PTPN11: variants seen among roughly 807,000 people sequenced by gnomAD.
The protein encoded by PTPN11 is protein tyrosine phosphatase non-receptor type 11.
In PTPN11, 6 loss-of-function variants were observed where a neutral mutation model predicts 78.8. The observed-to-expected ratio is 0.08, with a 90% CI of 0.04 to 0.15. PTPN11 has a LOEUF of 0.15. Ranked by LOEUF, PTPN11 falls within the 10% of genes least tolerant of loss-of-function variation. The probability of loss-of-function intolerance (pLI) is 1.00; values close to 1 mark genes in which losing one functional copy is unlikely to be tolerated. For missense variants in PTPN11, 386 were observed against 744.8 expected (o/e 0.52, Z 5.61); for synonymous variants, 221 against 263.5 (o/e 0.84, Z 1.56).
intron 9 of PTPN11, among the ~76,000 whole-genome samples, 180 bp from the exon 10 acceptor site, chr12:112,481,894 G>A (rs774214339): frequency 2.0e-5 from 3 of 152,122 alleles, no homozygotes; most frequent in Non-Finnish European, 4.4e-5. Context: ...CTGGTCCTCC[G>A]AATGCCTGCT....
Position 112,497,538 on chromosome 12 carries a change from A to G in PTPN11, c.1600-4606A>G, listed in dbSNP as rs538309403. Among the ~76,000 whole-genome samples the G allele has an allele frequency of 4.6e-5, 7 of 152,282 alleles. No individual in the cohort carries two copies. In the East Asian group the frequency reaches 1.2e-3, roughly 25 times the overall value. On this transcript the variant is annotated intron_variant, in intron 13 of 15. Coordinates refer to ENST00000351677, the MANE Select transcript of PTPN11 (RefSeq NM_002834.5). ...ATTGTTTCTTCACACAGCTCCCTTC[A>G]TCTCCTTGGTCCAATGAAAAGGTTT...
intron 1 of PTPN11, among the ~76,000 whole-genome samples, chr12:112,436,168 C>T (rs1234856283): frequency 6.6e-6 from 1 of 152,058 alleles, no homozygotes; most frequent in Non-Finnish European, 1.5e-5. Flanking sequence ...AAGTAGCATT[C>T]AAGATAAAGA....
chr12:112,465,004 C>T (rs17822514), intron 6 of PTPN11, among the ~76,000 whole-genome samples: 2,600 of 152,302 alleles, frequency 0.017, 37 homozygotes, highest in Non-Finnish European at 0.027. Context: ...AAGTTCTGCT[C>T]AAATGAGAAT....
At chr12:112,472,619 G>T (rs2038436608) in intron 6 of PTPN11, among the ~76,000 whole-genome samples, 1 of 149,474 alleles carries the variant, frequency 6.7e-6, no homozygotes, top group Admixed American at 6.7e-5. Context: ...AGTGATTCCT[G>T]TGTCACCCTC....
chr12:112,473,185 C>A, intron 7 of PTPN11, 145 bp downstream of exon 7: 3 of 711,776 alleles, frequency 4.2e-6, no homozygotes, highest in Middle Eastern at 2.4e-4. Flanking sequence ...CCAAAATAAT[C>A]AACCATGGTG....
intron 6 of PTPN11, among the ~76,000 whole-genome samples, chr12:112,459,108 C>T (rs1245934732): frequency 3.3e-5 from 5 of 152,122 alleles, no homozygotes; most frequent in African/African-American, 1.2e-4. Flanking sequence ...CCTTCCTTGT[C>T]CCCTGCCTGC....
intron 2 of PTPN11, among the ~76,000 whole-genome samples, chr12:112,449,191 C>CTT (rs200333899): frequency 1.4e-5 from 2 of 142,918 alleles, no homozygotes; most frequent in African/African-American, 2.5e-5. Flanking sequence ...CTGGCCATCA[C>CTT]TTTTTTTTTT....
intron 1 of PTPN11, among the ~76,000 whole-genome samples, chr12:112,428,428 C>G (rs931295355): frequency 8.3e-6 from 1 of 120,436 alleles, no homozygotes; most frequent in African/African-American, 3.1e-5. Flanking sequence ...GCCTCACTTA[C>G]TAATATACAA....
At chr12:112,460,508 T>G (rs945598247) in intron 6 of PTPN11, among the ~76,000 whole-genome samples, 1 of 152,206 alleles carries the variant, frequency 6.6e-6, no homozygotes, top group Non-Finnish European at 1.5e-5. Context: ...TCAGATAAGC[T>G]TCACACACTG....
At chr12:112,501,522 G>A (rs1239704576) in intron 13 of PTPN11, among the ~76,000 whole-genome samples, 2 of 152,142 alleles carry the variant, frequency 1.3e-5, no homozygotes, top group African/African-American at 4.8e-5. Flanking sequence ...CTACTCAGGA[G>A]GCTGAGGCAT....
rs2037939671 is a variant in PTPN11, at chr12:112,443,384, A to G, written c.15-2892A>G. ...CTTTTTTTTTTTTTTTGGAGATGGA[A>G]TTTTGCTTATGTTGCCCAGGCTGGA... On this transcript the variant is annotated intron_variant, in intron 1 of 15. Transcript: ENST00000351677. Among the ~76,000 whole-genome samples the G allele has an allele frequency of 2.0e-5, 3 of 148,512 alleles. No homozygotes were observed. The South Asian group carries it at 6.4e-4, about 31-fold the overall frequency.
intron 6 of PTPN11, among the ~76,000 whole-genome samples, chr12:112,461,093 T>C (rs2135879415): frequency 6.6e-6 from 1 of 152,276 alleles, no homozygotes; most frequent in Middle Eastern, 3.4e-3. Flanking sequence ...CAAGTTTTCT[T>C]TGGCAAGATA....
chr12:112,430,010 A>G (rs1265685891), intron 1 of PTPN11, among the ~76,000 whole-genome samples: 1 of 152,054 alleles, frequency 6.6e-6, no homozygotes, highest in Admixed American at 6.6e-5. Context: ...ATAATAGCCA[A>G]CATATCACAT....
At chr12:112,459,897 T>A (rs1592834471) in intron 6 of PTPN11, among the ~76,000 whole-genome samples, 1 of 150,490 alleles carries the variant, frequency 6.6e-6, no homozygotes, top group Non-Finnish European at 1.5e-5. Context: ...CAGTCACATT[T>A]TCCTGATTGC....
intron 7 of PTPN11, among the ~76,000 whole-genome samples, chr12:112,473,986 G>T (rs939892018): frequency 6.6e-6 from 1 of 151,526 alleles, no homozygotes; most frequent in African/African-American, 2.4e-5. Flanking sequence ...GGGCTCAAGC[G>T]ATTCTCCCAC....
intron 6 of PTPN11, among the ~76,000 whole-genome samples, chr12:112,458,506 G>A (rs937710299): frequency 6.6e-6 from 1 of 152,166 alleles, no homozygotes; most frequent in Non-Finnish European, 1.5e-5. Flanking sequence ...CACTGTGCCC[G>A]GCCCATACCA....
At position 112,469,440 on chromosome 12, in the gene PTPN11, C is replaced by G. The variant is rs558520110; in HGVS notation, c.757-3504C>G. 2.0e-5 allele frequency among the ~76,000 whole-genome samples: 3 copies of G among 151,858 alleles called. No homozygotes were observed. In the East Asian group the frequency reaches 5.8e-4, roughly 29 times the overall value. Reference sequence around the variant, plus strand: ...TAATATTTCATTTTTGTTATATTCCCTTTTCTGTTTACCTTCTATATACAG... The same window carrying G: ...TAATATTTCATTTTTGTTATATTCCGTTTTCTGTTTACCTTCTATATACAG... On this transcript the variant is annotated intron_variant, in intron 6 of 15. Transcript: ENST00000351677.
At chr12:112,423,988 G>A (rs1478931353) in intron 1 of PTPN11, among the ~76,000 whole-genome samples, 2 of 152,070 alleles carry the variant, frequency 1.3e-5, no homozygotes, top group East Asian at 3.8e-4. Flanking sequence ...CTGGGCTCAA[G>A]CTGTCTGCCT....
intron 7 of PTPN11, among the ~76,000 whole-genome samples, chr12:112,474,070 C>A (rs1419293243): frequency 6.6e-6 from 1 of 152,084 alleles, no homozygotes; most frequent in African/African-American, 2.4e-5. Flanking sequence ...TTTCTGTAGG[C>A]CGGCGCAGTG....
Sources: allele counts gnomAD v4.1 joint callset (sites outside exome capture counted in the v4.1 genomes callset), GRCh38; gene constraint gnomAD v4.1.1; transcripts MANE v1.5; gene names NCBI Gene and HGNC (gene_info 2026-07-23, HGNC 2026-07-21).